Variants in BCLAF3 observed in about 807,000 individuals in gnomAD.
BCLAF3 encodes the protein transient octamer binding factor 1.
Under a neutral mutation model 51.2 loss-of-function variants are expected in BCLAF3, and 24 were observed. The observed-to-expected ratio is 0.47, with a 90% confidence interval of 0.34 to 0.66. BCLAF3 has a LOEUF of 0.66. Ranked by LOEUF, BCLAF3 falls within the 30% of genes least tolerant of loss-of-function variation. The pLI is 0.01. For missense variants in BCLAF3, 465 were observed against 525.1 expected (o/e 0.89, Z 1.12); for synonymous variants, 152 against 176.6 (o/e 0.86, Z 1.10).
In BCLAF3 at chrX:19,952,993, C is replaced by T. The variant is rs1011431703; in HGVS notation, c.1624G>A (p.Glu542Lys). Residue 542 changes from glutamate (E) to lysine (K), a missense_variant, in exon 7 of 12, where the codon GAA (glutamate) becomes AAA (lysine). By Grantham distance (56) the Glu-to-Lys change is moderately conservative. Transcript: ENST00000379682. ...CAAAAATTGTATTCACTAACCTGTT[C>T]CGATTCATAGATCACAGCTTGTTTA... ...QSKQAVIYES[E>K]QTLIKIIDPN... The T allele has an allele frequency of 1.7e-6, 2 of 1,205,566 alleles. No homozygotes were observed. Among genetic ancestry groups the T allele is most frequent in the Admixed American group, 4.4e-5 (2 of 45,460 alleles).
chrX:19,935,667 A>T, intron 10 of BCLAF3, 142 bp downstream of exon 10: 3 of 502,870 alleles, frequency 6.0e-6, no homozygotes, highest in Non-Finnish European at 1.0e-5. Flanking sequence ...GTTACAGTTA[A>T]CTATAAATGT....
intron 10 of BCLAF3, 49 bp from the exon 11 acceptor site, chrX:19,929,989 T>A: frequency 8.7e-7 from 1 of 1,152,155 alleles, no homozygotes; most frequent in Non-Finnish European, 1.2e-6. Flanking sequence ...ACCTTCCAAG[T>A]CTACTTTATT....
intron 8 of BCLAF3, 33 bp downstream of exon 8, chrX:19,950,720 C>T: frequency 9.6e-7 from 1 of 1,038,064 alleles, no homozygotes. Context: ...CCAAAGCTCC[C>T]TGATAACAGG....
intron 8 of BCLAF3, among the ~76,000 whole-genome samples, chrX:19,947,905 A>G (rs949314435): frequency 8.9e-6 from 1 of 112,618 alleles, no homozygotes; most frequent in Non-Finnish European, 1.9e-5. Context: ...TTCTGTGGAA[A>G]CTACCCTGAC....
At chrX:19,934,953 A>C (rs1021009706) in intron 10 of BCLAF3, among the ~76,000 whole-genome samples, 1 of 111,863 alleles carries the variant, frequency 8.9e-6, no homozygotes, top group African/African-American at 3.2e-5. Flanking sequence ...TGGAAGGCCA[A>C]CGTGGGTGAT....
intron 4 of BCLAF3, among the ~76,000 whole-genome samples, chrX:19,959,867 C>G (rs1397020917): frequency 9.0e-6 from 1 of 111,346 alleles, no homozygotes; most frequent in Non-Finnish European, 1.9e-5. Context: ...GTGGCGTGAT[C>G]TCGGCTCACT....
intron 8 of BCLAF3, among the ~76,000 whole-genome samples, chrX:19,940,120 T>A (rs1047334867): frequency 1.2e-4 from 13 of 111,923 alleles, no homozygotes; most frequent in African/African-American, 4.2e-4. Context: ...AAAAATTAAA[T>A]CCTTTGATAT....
At chrX:19,944,787 C>T (rs1381089780) in intron 8 of BCLAF3, among the ~76,000 whole-genome samples, 7 of 84,033 alleles carry the variant, frequency 8.3e-5, no homozygotes, top group East Asian at 6.7e-4. Context: ...ATCTTTGTGG[C>T]GTTCTCTGTA....
Position 19,947,515 on chromosome X carries a change from GT to G in BCLAF3, c.1745+3237del, listed in dbSNP as rs1017479008. On this transcript the variant is annotated intron_variant, in intron 8 of 11. Coordinates refer to ENST00000379682, the MANE Select transcript of BCLAF3 (RefSeq NM_001367774.2). ...CCAACTTACAATGGTTTAACTTACA[GT>G]TTTTTTTTTTTACTTTACAATGGGT... Among the ~76,000 whole-genome samples the G allele has an allele frequency of 4.9e-3, 519 of 104,955 alleles. 2 individuals are homozygous for G. The highest frequency in any genetic ancestry group is 0.019 in the Middle Eastern group (4 of 207). The allele number at this position is 104,955 out of a possible 115,157, so 91.1% of individuals were successfully genotyped here. A position where few individuals can be genotyped will look rare whatever the true frequency, so the allele number is the denominator to read the frequency against.
intron 3 of BCLAF3, 32 bp downstream of exon 3, chrX:19,966,048 C>A: frequency 4.4e-6 from 5 of 1,132,825 alleles, no homozygotes; most frequent in Non-Finnish European, 5.9e-6. Flanking sequence ...AGGCTTTATA[C>A]CAAATTACCC....
In BCLAF3 at chrX:19,987,571, C is replaced by T. The variant is rs1691696624; in HGVS notation, c.-35+3337G>A. ...CCGTCCACCTTGGCTTCCCAAAGTG[C>T]TGGGATTACAGGCGTGAGCCACTGT... On this transcript the variant is annotated intron_variant, in intron 1 of 11. Transcript: ENST00000379682. Among the ~76,000 whole-genome samples the T allele has an allele frequency of 3.5e-5, 4 of 112,725 alleles. No homozygotes were observed. The South Asian group carries it at 1.4e-3, about 41-fold the overall frequency.
chrX:19,925,719 C>T (rs1202770690), intron 11 of BCLAF3, among the ~76,000 whole-genome samples: 1 of 111,904 alleles, frequency 8.9e-6, no homozygotes, highest in Non-Finnish European at 1.9e-5. Context: ...CGGAAAGCAA[C>T]ACTGGAAGAA....
chrX:19,938,599 G>A (rs1482756129), intron 8 of BCLAF3, among the ~76,000 whole-genome samples: 1 of 112,238 alleles, frequency 8.9e-6, no homozygotes, highest in African/African-American at 3.2e-5. Context: ...GTTTCACCAT[G>A]TTGGCCAGCC....
intron 1 of BCLAF3, among the ~76,000 whole-genome samples, chrX:19,979,345 C>T (rs762579732): frequency 9.0e-6 from 1 of 111,530 alleles, no homozygotes; most frequent in South Asian, 3.8e-4. Flanking sequence ...TAAGGCAAGA[C>T]CCTTCATCAG....
At chrX:19,929,169 T>A (rs1035977209) in intron 11 of BCLAF3, 1 of 111,726 alleles carries the variant, frequency 9.0e-6, no homozygotes, top group African/African-American at 3.2e-5. Flanking sequence ...AACATCATGT[T>A]GAACACCATA....
chrX:19,977,664 A>G (rs1174224784), intron 1 of BCLAF3, among the ~76,000 whole-genome samples: 7 of 112,913 alleles, frequency 6.2e-5, no homozygotes, highest in Non-Finnish European at 1.3e-4. Context: ...GAGAAGCTGC[A>G]GCAAGTTATC....
chrX:19,981,035 T>A (rs756170630), intron 1 of BCLAF3, among the ~76,000 whole-genome samples: 1 of 109,448 alleles, frequency 9.1e-6, no homozygotes, highest in East Asian at 2.9e-4. Flanking sequence ...GAGAGAACAG[T>A]AGAAGCAGTT....
At position 19,916,771 on chromosome X, in the gene BCLAF3, A is replaced by G. The variant is rs1157137377; in HGVS notation, c.*534T>C. 8.9e-6 allele frequency: 1 copy of G among 112,520 alleles called. No individual in the cohort carries two copies. Among genetic ancestry groups the G allele is most frequent in the Admixed American group, 9.5e-5 (1 of 10,493 alleles). The allele number at this position is 112,520 out of a possible 1,213,427, so 9.3% of individuals were successfully genotyped here. ...AGCACCTTGTCTCTTGCCTTCTTAT[A>G]ATATGAAATGTATGAATTATATAGG... On this transcript the variant is annotated 3_prime_UTR_variant, in exon 12 of 12. Coordinates refer to ENST00000379682, the MANE Select transcript of BCLAF3 (RefSeq NM_001367774.2).
Position 19,966,476 on chromosome X carries a change from T to C in BCLAF3, c.215A>G (p.Gln72Arg). 2 of 1,211,668 alleles carry C rather than the reference T, an allele frequency of 1.7e-6. No individual in the cohort carries two copies. Among genetic ancestry groups the C allele is most frequent in the Non-Finnish European group, 2.2e-6 (2 of 895,439 alleles). Residue 72 changes from glutamine to arginine, a missense_variant, in exon 3 of 12, where the codon CAG becomes CGG. Transcript: ENST00000379682. The part of the protein sequence containing the change: ...RIPSRGNIYY[Q>R]SYEHRSPSPN... ...GGAAGGTGATCTATGTTCATAAGAC[T>C]GGTAATATATATTTCCACGAGAGGG...
Sources: allele counts gnomAD v4.1 joint callset (sites outside exome capture counted in the v4.1 genomes callset), GRCh38; gene constraint gnomAD v4.1.1; transcripts MANE v1.5; gene names NCBI Gene and HGNC (gene_info 2026-07-23, HGNC 2026-07-21).